Variants in NCAPD3 observed in about 807,000 individuals in gnomAD.
NCAPD3 encodes the protein non-SMC condensin II complex subunit D3, also known as condensin-2 complex subunit D3.
Under a neutral mutation model 182.9 loss-of-function variants are expected in NCAPD3, and 105 were observed. That is an observed-to-expected ratio of 0.57 (90% CI 0.49 to 0.68). The LOEUF is 0.68. Ranked by LOEUF, NCAPD3 falls within the 30% of genes least tolerant of loss-of-function variation. NCAPD3 has a pLI of 0.00. For synonymous variants in NCAPD3, 815 were observed against 679.9 expected, an observed-to-expected ratio of 1.20 and a Z score of -3.09; for missense variants, 1,944 against 1,837.0, an observed-to-expected ratio of 1.06 and a Z score of -1.07.
At chr11:134,190,041 GGATT>G (rs1319306494) in intron 16 of NCAPD3, among the ~76,000 whole-genome samples, 1 of 152,076 alleles carries the variant, frequency 6.6e-6, no homozygotes, top group Non-Finnish European at 1.5e-5. Context: ...CTGACCTATT[GGATT>G]AATTCACCCT....
chr11:134,178,988 T>C (rs764918723), intron 20 of NCAPD3, 52 bp from the exon 21 acceptor site: 5 of 1,202,616 alleles, frequency 4.2e-6, no homozygotes, highest in South Asian at 2.5e-5. Context: ...AAAAGTGAAC[T>C]CTAGCTAGAT....
intron 20 of NCAPD3, among the ~76,000 whole-genome samples, chr11:134,179,429 G>C (rs1211666909): frequency 6.6e-6 from 1 of 152,168 alleles, no homozygotes; most frequent in African/African-American, 2.4e-5. Flanking sequence ...CAATATGTAT[G>C]ACACATATGT....
intron 24 of NCAPD3, among the ~76,000 whole-genome samples, chr11:134,176,059 C>G (rs891656487): frequency 6.6e-6 from 1 of 151,958 alleles, no homozygotes; most frequent in African/African-American, 2.4e-5. Flanking sequence ...ACAGCAAACA[C>G]TGTCAGCAAG....
intron 27 of NCAPD3, among the ~76,000 whole-genome samples, chr11:134,167,184 C>T (rs1943856718): frequency 7.8e-6 from 1 of 127,462 alleles, no homozygotes; most frequent in Non-Finnish European, 1.6e-5. Flanking sequence ...GAGGCGCACA[C>T]TCGTGAGATG....
Position 134,185,467 on chromosome 11 carries a change from A to G in NCAPD3, c.2105T>C (p.Phe702Ser). The change falls in exon 17 of 35, where the codon TTT becomes TCT. Residue 702 changes from phenylalanine (F) to serine (S), a missense_variant. Phe to Ser is a radical substitution (Grantham distance 155, BLOSUM62 -2). Transcript: ENST00000534548. Reference sequence around the variant, plus strand: ...AGTGTGAGATATTACATTGTTTATAAAAGTGGGTGAGAATTTTTCTTTCTT... The same window carrying G: ...AGTGTGAGATATTACATTGTTTATAGAAGTGGGTGAGAATTTTTCTTTCTT... ...WSKKEKFSPT[F>S]INNVISHTGT... The G allele has an allele frequency of 3.7e-6, 6 of 1,613,326 alleles. No homozygotes were observed. The highest frequency in any genetic ancestry group is 5.1e-6 in the Non-Finnish European group (6 of 1,179,676).
chr11:134,170,645 C>G (rs972146916), intron 24 of NCAPD3, among the ~76,000 whole-genome samples: 1 of 152,246 alleles, frequency 6.6e-6, no homozygotes, highest in Admixed American at 6.5e-5. Context: ...CAATGCCAAT[C>G]GACTCAGTTT....
chr11:134,191,311 G>A (rs557018594), intron 16 of NCAPD3, among the ~76,000 whole-genome samples: 4 of 150,772 alleles, frequency 2.7e-5, no homozygotes, highest in African/African-American at 9.7e-5. Flanking sequence ...GAAGTCAAGA[G>A]TAATTTCAGA....
chr11:134,210,117 C>T (rs913341063), intron 4 of NCAPD3, among the ~76,000 whole-genome samples, 153 bp downstream of exon 4: 1 of 151,852 alleles, frequency 6.6e-6, no homozygotes, highest in African/African-American at 2.4e-5. Flanking sequence ...TATATGAAGC[C>T]GAAGACACAA....
At chr11:134,207,614 G>A (rs1035829060) in intron 7 of NCAPD3, among the ~76,000 whole-genome samples, 7 of 151,916 alleles carry the variant, frequency 4.6e-5, no homozygotes, top group East Asian at 1.9e-4. Flanking sequence ...ATGGTGGCGC[G>A]CACCTGTAGT....
At chr11:134,176,046 G>A (rs1361285201) in intron 24 of NCAPD3, among the ~76,000 whole-genome samples, 1 of 151,720 alleles carries the variant, frequency 6.6e-6, no homozygotes, top group African/African-American at 2.4e-5. Flanking sequence ...AGCTCCTTCA[G>A]GAACAGCAAA....
chr11:134,183,345 A>G (rs1226162086), intron 19 of NCAPD3, among the ~76,000 whole-genome samples: 1 of 152,172 alleles, frequency 6.6e-6, no homozygotes, highest in Non-Finnish European at 1.5e-5. Context: ...GAAGCAGGCG[A>G]TCACTTGAGA....
intron 31 of NCAPD3, among the ~76,000 whole-genome samples, 198 bp from the exon 32 acceptor site, chr11:134,157,293 CA>C (rs1178089557): frequency 6.6e-6 from 1 of 151,816 alleles, no homozygotes; most frequent in Admixed American, 6.6e-5. Context: ...CATTAGGATT[CA>C]AAAAAATAAA....
intron 27 of NCAPD3, among the ~76,000 whole-genome samples, chr11:134,163,479 C>A (rs964630460): frequency 1.3e-5 from 2 of 151,966 alleles, no homozygotes; most frequent in African/African-American, 4.8e-5. Context: ...GCGGGCAGAT[C>A]ACGAGATCAG....
intron 1 of NCAPD3, among the ~76,000 whole-genome samples, chr11:134,222,734 T>C (rs1482111523): frequency 6.6e-6 from 1 of 151,964 alleles, no homozygotes; most frequent in Non-Finnish European, 1.5e-5. Flanking sequence ...AATGTAAGAG[T>C]TTTGCCAGGC....
intron 15 of NCAPD3, 105 bp downstream of exon 15, chr11:134,193,909 TAG>T: frequency 3.4e-6 from 4 of 1,162,726 alleles, no homozygotes; most frequent in Non-Finnish European, 4.9e-6. Context: ...GTGGACTTAG[TAG>T]AGTTTTTAAA....
intron 2 of NCAPD3, among the ~76,000 whole-genome samples, chr11:134,219,958 G>A (rs1390437922): frequency 6.6e-6 from 1 of 151,924 alleles, no homozygotes; most frequent in Non-Finnish European, 1.5e-5. Flanking sequence ...ACCACAACCG[G>A]CTAATTTTTG....
chr11:134,203,386 C>A (rs1365726023), intron 11 of NCAPD3, among the ~76,000 whole-genome samples, 188 bp from the exon 12 acceptor site: 1 of 152,102 alleles, frequency 6.6e-6, no homozygotes, highest in East Asian at 1.9e-4. Flanking sequence ...CGACCAATGC[C>A]CACCAATGCA....
chr11:134,209,685 T>C (rs919920368), intron 4 of NCAPD3: 2 of 483,398 alleles, frequency 4.1e-6, no homozygotes, highest in Admixed American at 3.8e-5. Context: ...CAGTAGTTTC[T>C]AGTTTTGTGT....
chr11:134,160,777 A>G (rs750039322), intron 28 of NCAPD3, among the ~76,000 whole-genome samples: 7 of 152,152 alleles, frequency 4.6e-5, no homozygotes, highest in Admixed American at 1.3e-4. Context: ...GAATCCATGC[A>G]CTTTTCCAGC....
Sources: allele counts gnomAD v4.1 joint callset (sites outside exome capture counted in the v4.1 genomes callset), GRCh38; gene constraint gnomAD v4.1.1; transcripts MANE v1.5; gene names NCBI Gene and HGNC (gene_info 2026-07-23, HGNC 2026-07-21).